DPY19L1: variants seen among roughly 807,000 people sequenced by gnomAD.
DPY19L1 encodes protein C-mannosyl-transferase DPY19L1.
Under a neutral mutation model 96.9 loss-of-function variants are expected in DPY19L1, and 35 were observed. That is an observed-to-expected ratio of 0.36 (90% CI 0.28 to 0.48). The LOEUF (loss-of-function observed/expected upper bound fraction) is 0.48. DPY19L1 is among the 20% of genes least tolerant of loss of function. DPY19L1 has a pLI of 0.99. For synonymous variants in DPY19L1, 205 were observed against 252.6 expected (o/e 0.81, Z 1.79); for missense variants, 521 against 777.9 (o/e 0.67, Z 3.93).
At chr7:34,995,387 T>C (rs911865002) in intron 6 of DPY19L1, among the ~76,000 whole-genome samples, 51 of 152,154 alleles carry the variant, frequency 3.4e-4, no homozygotes, top group African/African-American at 1.2e-3. Context: ...CTGTGCAAAT[T>C]TTAAAACATT....
rs1013283290 is a variant in DPY19L1 at position 35,024,609 on chromosome 7, C to T, written c.299-6013G>A. Among the ~76,000 whole-genome samples the T allele has an allele frequency of 3.4e-4, 52 of 152,172 alleles. 2 individuals are homozygous for T. Among genetic ancestry groups the T allele is most frequent in the Non-Finnish European group, 1.5e-5 (1 of 68,032 alleles). The stretch of plus-strand genomic sequence containing the variant: ...CCACACTGGCCTATTTCCAGTCAAT[C>T]CCACCACACACCCTTCATTCTAGAT... On this transcript the variant is annotated intron_variant, in intron 1 of 21. Coordinates refer to ENST00000638088, the MANE Select transcript of DPY19L1 (RefSeq NM_001366673.1).
rs373732674 is a variant in DPY19L1, at chr7:34,958,051, A to G, written c.1112T>C (p.Phe371Ser). 6.3e-7 allele frequency: 1 copy of G among 1,584,090 alleles called. No homozygotes were observed. The highest frequency in any genetic ancestry group is 1.4e-5 in the African/African-American group (1 of 72,924). ...CATTGAGTTCCCAAACATCAAAACA[A>G]AACAAAGTGCAAGAGAAATCTGGAA... is the stretch of plus-strand genomic sequence containing the variant. The part of the protein sequence containing the change: ...YIHMISLALC[F>S]VLMFGNSMLL... The change falls in exon 11 of 22, where the codon TTT becomes TCT. Residue 371 changes from phenylalanine to serine, a missense_variant. Transcript: ENST00000638088.
rs1198816001 is a variant in DPY19L1, at chr7:34,975,309, G to A, written c.823-1704C>T. On this transcript the variant is annotated intron_variant, in intron 7 of 21. Transcript: ENST00000638088. ...AGTGAAACAACCTTATTGCTGATAC[G>A]CAGACAGTTTTAATGTTCTGGATGG... Among the ~76,000 whole-genome samples the A allele has an allele frequency of 4.6e-5, 7 of 152,146 alleles. No individual in the cohort carries two copies. In the East Asian group the frequency reaches 7.7e-4, roughly 17 times the overall value.
In DPY19L1 at chr7:34,931,743, T is replaced by A. The variant is rs1184824426; in HGVS notation, c.2091-14A>T. 1.3e-6 allele frequency: 2 copies of A among 1,572,532 alleles called. No homozygotes were observed. The highest frequency in any genetic ancestry group is 1.7e-6 in the Non-Finnish European group (2 of 1,163,158). On this transcript the variant is annotated splice_polypyrimidine_tract_variant and intron_variant, in intron 21 of 21. Transcript: ENST00000638088. The stretch of plus-strand genomic sequence containing the variant: ...CTGCAACCAGGCCTAGAAAAATGAA[T>A]GTACATGTTAAAAATCAATATGCAT...
rs116943369 is a variant in DPY19L1, at chr7:34,948,521, G to A, written c.1423-820C>T. On this transcript the variant is annotated intron_variant, in intron 14 of 21. Coordinates refer to ENST00000638088, the MANE Select transcript of DPY19L1 (RefSeq NM_001366673.1). ...GAATTAAGATACTTACAGTGATGAG[G>A]AATGGTATGCTGGAAACAGTTTTGC... Among the ~76,000 whole-genome samples, 1,434 of 152,264 alleles carry A rather than the reference G, an allele frequency of 9.4e-3. 9 individuals are homozygous for A. The highest frequency in any genetic ancestry group is 0.014 in the Non-Finnish European group (937 of 68,016).
At chr7:34,980,279 A>G (rs1784912305) in intron 7 of DPY19L1, among the ~76,000 whole-genome samples, 1 of 152,156 alleles carries the variant, frequency 6.6e-6, no homozygotes, top group Admixed American at 6.5e-5. Context: ...ACAAACCAAA[A>G]TGTGAAAGCT....
At chr7:34,962,368 T>A (rs62461948) in intron 10 of DPY19L1, among the ~76,000 whole-genome samples, 29,969 of 152,166 alleles carry the variant, frequency 0.2, 3,336 homozygotes, top group Admixed American at 0.36. Context: ...ACTGTATGGT[T>A]CCAAACACAT....
intron 7 of DPY19L1, among the ~76,000 whole-genome samples, chr7:34,987,819 C>G (rs1785083084): frequency 2.0e-5 from 3 of 152,114 alleles, no homozygotes; most frequent in Admixed American, 2.0e-4. Context: ...ATGTTGAGTT[C>G]TCACCAATAT....
At chr7:34,970,029 G>C (rs1000867730) in intron 8 of DPY19L1, among the ~76,000 whole-genome samples, 3 of 152,196 alleles carry the variant, frequency 2.0e-5, no homozygotes, top group African/African-American at 7.2e-5. Flanking sequence ...AAGTTAAGTG[G>C]AGGAAAAGAT....
chr7:35,007,618 T>C (rs547891691), intron 6 of DPY19L1, among the ~76,000 whole-genome samples: 1 of 152,296 alleles, frequency 6.6e-6, no homozygotes, highest in East Asian at 1.9e-4. Context: ...TGTATATATA[T>C]ATTTATAGCA....
chr7:34,956,088 G>C (rs182674458), intron 11 of DPY19L1, among the ~76,000 whole-genome samples: 1 of 151,914 alleles, frequency 6.6e-6, no homozygotes, highest in Non-Finnish European at 1.5e-5. Context: ...TGCTTAATTC[G>C]TACCTAAGGC....
intron 13 of DPY19L1, 116 bp downstream of exon 13, chr7:34,954,582 G>C: frequency 1.7e-6 from 1 of 578,604 alleles, no homozygotes; most frequent in Non-Finnish European, 3.0e-6. Context: ...AAAATAATAG[G>C]TGAACAGACT....
At chr7:35,026,977 C>T (rs1418196376) in intron 1 of DPY19L1, among the ~76,000 whole-genome samples, 4 of 151,920 alleles carry the variant, frequency 2.6e-5, no homozygotes, top group African/African-American at 9.7e-5. Flanking sequence ...CAGGTGGATA[C>T]CTGAGGTCAG....
chr7:35,026,859 T>G (rs1231936786), intron 1 of DPY19L1, among the ~76,000 whole-genome samples: 9 of 152,172 alleles, frequency 5.9e-5, no homozygotes, highest in Admixed American at 5.9e-4. Context: ...TAGATGACTT[T>G]CAAGTTATTC....
At chr7:34,944,192 G>A (rs1433595349) in intron 16 of DPY19L1, among the ~76,000 whole-genome samples, 3 of 151,508 alleles carry the variant, frequency 2.0e-5, no homozygotes, top group Admixed American at 6.6e-5. Flanking sequence ...GTGAAACCCC[G>A]TCTCTACTAA....
chr7:34,958,916 C>T (rs1053854624), intron 10 of DPY19L1, among the ~76,000 whole-genome samples: 2 of 152,078 alleles, frequency 1.3e-5, no homozygotes, highest in African/African-American at 4.8e-5. Flanking sequence ...TTCCCACTGC[C>T]CATCTGTCTA....
intron 6 of DPY19L1, among the ~76,000 whole-genome samples, chr7:35,008,952 T>C (rs1052570091): frequency 6.6e-6 from 1 of 152,216 alleles, no homozygotes; most frequent in Non-Finnish European, 1.5e-5. Context: ...CCATATTCTT[T>C]TGGTTTAACT....
chr7:34,954,849 A>C (rs1784344805), intron 12 of DPY19L1, 71 bp from the exon 13 acceptor site: 1 of 675,962 alleles, frequency 1.5e-6, no homozygotes. Flanking sequence ...AGAAAAAAAT[A>C]AATGCTTTAA....
intron 1 of DPY19L1, among the ~76,000 whole-genome samples, chr7:35,030,840 C>G (rs995736715): frequency 2.0e-5 from 3 of 152,106 alleles, no homozygotes; most frequent in Admixed American, 1.3e-4. Context: ...CCATGGAGAA[C>G]TGATCTTCCC....
Sources: allele counts gnomAD v4.1 joint callset (sites outside exome capture counted in the v4.1 genomes callset), GRCh38; gene constraint gnomAD v4.1.1; transcripts MANE v1.5; gene names NCBI Gene and HGNC (gene_info 2026-07-23, HGNC 2026-07-21).